NUP214: variants seen among roughly 807,000 people sequenced by gnomAD.
NUP214 encodes the protein nucleoporin 214, also known as nuclear pore complex protein Nup214.
In NUP214, 79 loss-of-function variants were observed where a neutral mutation model predicts 196.2. The ratio of observed to expected loss-of-function variants is 0.40; its 90% CI spans 0.34 to 0.49. The LOEUF is 0.49. Ranked by LOEUF, NUP214 falls within the 20% of genes least tolerant of loss-of-function variation. NUP214 has a pLI of 0.58. For synonymous variants in NUP214, 1,020 were observed against 990.5 expected (o/e 1.03, Z -0.56); for missense variants, 2,468 against 2,539.0 (o/e 0.97, Z 0.60).
At chr9:131,161,318 C>CG (rs1177391039) in intron 18 of NUP214, among the ~76,000 whole-genome samples, 1 of 148,914 alleles carries the variant, frequency 6.7e-6, no homozygotes, top group Non-Finnish European at 1.5e-5. Context: ...AGTGCAGTGG[C>CG]GCGATCTCGG....
At chr9:131,175,428 C>G (rs1195132976) in intron 22 of NUP214, 32 bp from the exon 23 acceptor site, 1 of 1,611,966 alleles carries the variant, frequency 6.2e-7, no homozygotes, top group East Asian at 2.2e-5. Context: ...GTTCTCTCAC[C>G]CACTCACACT....
At chr9:131,194,361 T>C (rs1250858774) in intron 27 of NUP214, among the ~76,000 whole-genome samples, 3 of 152,066 alleles carry the variant, frequency 2.0e-5, no homozygotes, top group Non-Finnish European at 4.4e-5. Flanking sequence ...TTTTCGGTTT[T>C]GGTTTTTGGG....
chr9:131,178,699 G>A (rs1833183149), intron 24 of NUP214, among the ~76,000 whole-genome samples: 1 of 111,270 alleles, frequency 9.0e-6, no homozygotes, highest in Non-Finnish European at 1.9e-5. Context: ...AGGTGTGCAG[G>A]TTGATTTTTT....
chr9:131,160,432 T>C (rs1398869859), intron 18 of NUP214, among the ~76,000 whole-genome samples: 2 of 152,198 alleles, frequency 1.3e-5, no homozygotes, highest in Non-Finnish European at 2.9e-5. Context: ...GGCAAAGTAA[T>C]GGGAAAACCT....
At chr9:131,135,102 G>T in intron 8 of NUP214, 98 bp downstream of exon 8, 1 of 867,006 alleles carries the variant, frequency 1.2e-6, no homozygotes, top group East Asian at 2.6e-5. Flanking sequence ...TTGATTGATT[G>T]ATGGATTGGC....
At chr9:131,226,201 A>G (rs1834718006) in intron 32 of NUP214, among the ~76,000 whole-genome samples, 1 of 152,214 alleles carries the variant, frequency 6.6e-6, no homozygotes, top group South Asian at 2.1e-4. Context: ...GCTGTGAAGC[A>G]CCTGGCATAT....
In NUP214 at chr9:131,130,854, ACTT is replaced by A; in HGVS notation, c.663+20_663+22del. ...ATCTTCCTGTAAGTTCTTATCTTGA[ACTT>A]CAGAATTTTTCTTAAGTTGCCCACT... On this transcript the variant is annotated intron_variant, in intron 5 of 35. Coordinates refer to ENST00000359428, the MANE Select transcript of NUP214 (RefSeq NM_005085.4). 6.2e-7 allele frequency: 1 copy of A among 1,610,366 alleles called. No homozygotes were observed. Among genetic ancestry groups the A allele is most frequent in the Non-Finnish European group, 8.5e-7 (1 of 1,177,340 alleles).
At chr9:131,222,664 G>T in intron 31 of NUP214, 114 bp from the exon 32 acceptor site, 1 of 1,270,288 alleles carries the variant, frequency 7.9e-7, no homozygotes, top group Non-Finnish European at 1.1e-6. Context: ...TGGCTTCTAG[G>T]CGGCTTGTCA....
intron 17 of NUP214, among the ~76,000 whole-genome samples, chr9:131,155,104 C>G (rs1326636762): frequency 6.6e-6 from 1 of 152,144 alleles, no homozygotes. Flanking sequence ...TTTACATTCC[C>G]AACAGCAGTG....
chr9:131,165,787 TA>T (rs1204769944), intron 21 of NUP214, among the ~76,000 whole-genome samples: 1 of 152,244 alleles, frequency 6.6e-6, no homozygotes, highest in Non-Finnish European at 1.5e-5. Flanking sequence ...ATTCAGTCTT[TA>T]AAAAGGAATT....
chr9:131,164,214 C>A, intron 21 of NUP214, 70 bp downstream of exon 21: 1 of 1,391,840 alleles, frequency 7.2e-7, no homozygotes, highest in Non-Finnish European at 1.0e-6. Flanking sequence ...TGTGCGCGCG[C>A]ACATGCACGT....
chr9:131,189,097 ATCCGG>A lies in NUP214; in HGVS notation c.3543_3547del (p.Gly1182ValfsTer5). 1.2e-6 allele frequency: 2 copies of A among 1,614,120 alleles called. No individual in the cohort carries two copies. Among genetic ancestry groups the A allele is most frequent in the Non-Finnish European group, 1.7e-6 (2 of 1,179,958 alleles). ...TTAAGCCATCTGGGCCTACACCAGCATCCGGTCAGTTATCATCTGGTGACAAAGCT... is the reference window on the plus strand; with the variant it reads ...TTAAGCCATCTGGGCCTACACCAGCATCAGTTATCATCTGGTGACAAAGCT... On this transcript the variant is annotated frameshift_variant, in exon 26 of 36. Transcript: ENST00000359428. LOFTEE classifies it high-confidence loss of function.
intron 21 of NUP214, among the ~76,000 whole-genome samples, chr9:131,169,243 C>T (rs1046152531): frequency 6.6e-6 from 1 of 151,878 alleles, no homozygotes; most frequent in Non-Finnish European, 1.5e-5. Flanking sequence ...ACCGTGTTGG[C>T]CAGGATGGTC....
chr9:131,154,237 A>G (rs917338666), intron 17 of NUP214, among the ~76,000 whole-genome samples: 1 of 152,092 alleles, frequency 6.6e-6, no homozygotes, highest in African/African-American at 2.4e-5. Flanking sequence ...ATTTTTAAAA[A>G]TTTCAATAGT....
Position 131,125,900 on chromosome 9 carries a change from C to A in NUP214, c.45+151C>A. On this transcript the variant is annotated intron_variant, in intron 1 of 35. Coordinates refer to ENST00000359428, the MANE Select transcript of NUP214 (RefSeq NM_005085.4). The surrounding 1 kb of genome is among the most constrained non-coding windows in gnomAD (Gnocchi z 4.1). ...TCTCACCAGCGCGTCTGCCGCGCCG[C>A]TGGCGTGATAGCCCCACCGAATGCA... 2.1e-6 allele frequency: 2 copies of A among 935,276 alleles called. No individual in the cohort carries two copies. Among genetic ancestry groups the A allele is most frequent in the Non-Finnish European group, 1.6e-6 (1 of 613,980 alleles). The allele number at this position is 935,276 out of a possible 1,614,324, so 57.9% of individuals were successfully genotyped here.
At chr9:131,147,428 T>A (rs1832116466) in intron 13 of NUP214, 62 bp from the exon 14 acceptor site, 1 of 1,212,740 alleles carries the variant, frequency 8.2e-7, no homozygotes, top group East Asian at 2.4e-5. Context: ...AAAGGACATT[T>A]GTGATAGGAG....
intron 30 of NUP214, 89 bp from the exon 31 acceptor site, chr9:131,215,123 G>T (rs1325995429): frequency 2.4e-6 from 3 of 1,233,244 alleles, no homozygotes; most frequent in Non-Finnish European, 3.3e-6. Context: ...ATTTGTGCCA[G>T]CTGTGAGCAC....
At chr9:131,157,680 C>G (rs1375331607) in intron 17 of NUP214, among the ~76,000 whole-genome samples, 1 of 152,010 alleles carries the variant, frequency 6.6e-6, no homozygotes, top group African/African-American at 2.4e-5. Flanking sequence ...GGGTCTCACT[C>G]TTTCACCCAG....
At chr9:131,159,171 C>T (rs1832549397) in intron 17 of NUP214, 1 of 551,400 alleles carries the variant, frequency 1.8e-6, no homozygotes, top group East Asian at 3.1e-5. Context: ...GCCTTGGCCT[C>T]CCAGGGTGTT....
Sources: gnomAD v4.1 joint callset for allele counts (sites outside exome capture counted in the v4.1 genomes callset) on GRCh38, gnomAD v4.1.1 for gene constraint, Gnocchi (gnomAD v3.1) non-coding constraint, MANE v1.5 for transcripts, NCBI Gene and HGNC (gene_info 2026-07-23, HGNC 2026-07-21) for gene names.